The following EME2 variants were observed in gnomAD, a reference collection of about 807,000 sequenced individuals.
EME2 encodes essential meiotic structure-specific endonuclease subunit 2.
In EME2, 58 loss-of-function variants were observed where a neutral mutation model predicts 41.9. That is an observed-to-expected ratio of 1.38 (90% CI 1.12 to 1.72). EME2 has a LOEUF of 1.72. Among genes scored for constraint, EME2 ranks in the 40% most tolerant of loss-of-function variants. The pLI is 0.00. For missense variants in EME2, 695 were observed against 541.9 expected, an observed-to-expected ratio of 1.28 and a Z score of -2.81; for synonymous variants, 334 against 239.3, an observed-to-expected ratio of 1.40 and a Z score of -3.65.
At position 1,777,942 on chromosome 16, in the gene EME2, G is replaced by A. The variant is rs1436326625; in HGVS notation, c.*1704G>A. On this transcript the variant is annotated 3_prime_UTR_variant, in exon 8 of 8. Coordinates refer to ENST00000568449, the MANE Select transcript of EME2 (RefSeq NM_001257370.2). ...GGCCCCGCCCCACCCTGGGCCTCAC[G>A]CACCCGTGTAGGAGAGGCCCCAGCT... 10 of 1,612,304 alleles carry A rather than the reference G, an allele frequency of 6.2e-6. No homozygotes were observed. The Admixed American group carries it at 6.7e-5, about 11-fold the overall frequency.
intron 3 of EME2, 60 bp from the exon 4 acceptor site, chr16:1,774,963 ACCAGCTGTGGCCTGGTGG>A (rs1162528573): frequency 8.7e-7 from 1 of 1,154,162 alleles, no homozygotes; most frequent in Non-Finnish European, 1.3e-6. Flanking sequence ...TGTTCTGCAA[ACCAGCTGTGGCCTGGTGG>A]CCCATGGCCA....
rs1330537091 is a variant in EME2 at position 1,779,764 on chromosome 16, A to G, written c.*3526A>G. 1 of 152,324 alleles carries G rather than the reference A, an allele frequency of 6.6e-6. No individual in the cohort carries two copies. The highest frequency in any genetic ancestry group is 2.4e-5 in the African/African-American group (1 of 41,464). 9.4% of individuals were successfully genotyped at this position (152,324 alleles called of 1,614,324 possible). On this transcript the variant is annotated 3_prime_UTR_variant, in exon 8 of 8. Transcript: ENST00000568449. ...ACAGACTGCAGGCCCATTTGGTGACACAGGACAAGCAGCACATGTGTCGAA... is the reference window on the plus strand; with the variant it reads ...ACAGACTGCAGGCCCATTTGGTGACGCAGGACAAGCAGCACATGTGTCGAA...
Position 1,772,980 on chromosome 16 carries a change from C to T in EME2, c.-248C>T, listed in dbSNP as rs1412885284. On this transcript the variant is annotated 5_prime_UTR_variant, in exon 1 of 8. Coordinates refer to ENST00000568449, the MANE Select transcript of EME2 (RefSeq NM_001257370.2). ...CCAGGCCCGGACCGGCAGCCGGCGT[C>T]CAGAGAACGGCCGCGTCAAGGTCTC... is the stretch of plus-strand genomic sequence containing the variant. 2.1e-6 allele frequency: 3 copies of T among 1,450,496 alleles called. No homozygotes were observed. Among genetic ancestry groups the T allele is most frequent in the African/African-American group, 3.0e-5 (2 of 66,926 alleles). The allele number at this position is 1,450,496 out of a possible 1,614,324, so 89.9% of individuals were successfully genotyped here. A position where few individuals can be genotyped will look rare whatever the true frequency, so the allele number is the denominator to read the frequency against.
Position 1,774,366 on chromosome 16 carries a change from G to T in EME2, c.477+14G>T, listed in dbSNP as rs779378018. The T allele has an allele frequency of 1.2e-6, 2 of 1,608,638 alleles. No homozygotes were observed. Among genetic ancestry groups the T allele is most frequent in the African/African-American group, 2.7e-5 (2 of 74,870 alleles). ...ACACTGACCCAGGTGCTCGGGTGGT[G>T]GCAGTAGTCCCTCTCTAATCAGGAG... is the stretch of plus-strand genomic sequence containing the variant. On this transcript the variant is annotated intron_variant, in intron 3 of 7. Transcript: ENST00000568449.
chr16:1,773,258 G>A lies in EME2; in HGVS notation c.31G>A (p.Val11Ile), dbSNP rs765773599. The A allele has an allele frequency of 6.9e-6, 10 of 1,454,810 alleles. No individual in the cohort carries two copies. The highest frequency in any genetic ancestry group is 4.4e-5 in the African/African-American group (3 of 67,620). 90.1% of individuals were successfully genotyped at this position (1,454,810 alleles called of 1,614,324 possible). A position where few individuals can be genotyped will look rare whatever the true frequency, so the allele number is the denominator to read the frequency against. Residue 11 changes from valine to isoleucine, a missense_variant, in exon 1 of 8, where the codon GTC becomes ATC. By Grantham distance (29) the Val-to-Ile change is conservative (BLOSUM62 3). Transcript: ENST00000568449. ...GCGGGTTGGACCCGGGAGGGCGGGG[G>A]TCTCTTGCCAGGGCCGGGGCCGGGG... is the stretch of plus-strand genomic sequence containing the variant. MARVGPGRAGVSCQGRGRGRG... is the reference protein window; with the variant it reads MARVGPGRAGISCQGRGRGRG...
chr16:1,774,316 C>G lies in EME2; in HGVS notation c.441C>G (p.Pro147=), dbSNP rs1243296721. 3.1e-6 allele frequency: 5 copies of G among 1,612,672 alleles called. No individual in the cohort carries two copies. The highest frequency in any genetic ancestry group is 3.4e-6 in the Non-Finnish European group (4 of 1,179,938). ...AGGAATTGCTGCTGCTGCTGGAGCC[C>G]GAGGAGTTTCTGCAGGGCGTCGCCA... ...GEQELLLLLE[P]EEFLQGVATL... Residue 147 remains proline, a synonymous_variant, in exon 3 of 8, where the codon CCC becomes CCG. Coordinates refer to ENST00000568449, the MANE Select transcript of EME2 (RefSeq NM_001257370.2).
Position 1,775,109 on chromosome 16 carries a change from C to T in EME2, c.546C>T (p.Val182=). The T allele has an allele frequency of 6.2e-7, 1 of 1,611,962 alleles. No homozygotes were observed. The highest frequency in any genetic ancestry group is 8.5e-7 in the Non-Finnish European group (1 of 1,179,966). The part of the protein sequence containing the change: ...PETTARPHLA[V]IGLDAYLWSR... The stretch of plus-strand genomic sequence containing the variant: ...CCACCGCCCGGCCCCACCTGGCTGT[C>T]ATCGGGCTGGATGCCTACCTGTGGT... The change falls in exon 4 of 8, where the codon GTC becomes GTT. Residue 182 remains valine (V), a synonymous_variant. Transcript: ENST00000568449.
Position 1,775,793 on chromosome 16 carries a change from C to T in EME2, c.780-4C>T, listed in dbSNP as rs558309374. 33 of 1,612,450 alleles carry T rather than the reference C, an allele frequency of 2.0e-5. No homozygotes were observed. The South Asian group carries it at 2.5e-4, about 12-fold the overall frequency. On this transcript the variant is annotated splice_polypyrimidine_tract_variant and splice_region_variant and intron_variant, in intron 6 of 7. Coordinates refer to ENST00000568449, the MANE Select transcript of EME2 (RefSeq NM_001257370.2). ...GGTTCTAAAAGGCTTCTCTCTGTCCCCAGGCAGTACCGGGAATCCCAGGCC... is the reference window on the plus strand; with the variant it reads ...GGTTCTAAAAGGCTTCTCTCTGTCCTCAGGCAGTACCGGGAATCCCAGGCC...
chr16:1,775,102 T>G lies in EME2; in HGVS notation c.539T>G (p.Leu180Arg). The change falls in exon 4 of 8, where the codon CTG (leucine) becomes CGG (arginine). Residue 180 changes from leucine to arginine, a missense_variant. Physicochemically the swap from Leu to Arg is moderately radical, Grantham distance 102. Transcript: ENST00000568449. The stretch of plus-strand genomic sequence containing the variant: ...CCCGAGACCACCGCCCGGCCCCACC[T>G]GGCTGTCATCGGGCTGGATGCCTAC... ...ISPETTARPH[L>R]AVIGLDAYLW... is the part of the protein sequence containing the mutation. 1.2e-6 allele frequency: 2 copies of G among 1,611,144 alleles called. No homozygotes were observed. Among genetic ancestry groups the G allele is most frequent in the Middle Eastern group, 1.6e-4 (1 of 6,062 alleles).
At position 1,775,855 on chromosome 16, in the gene EME2, G is replaced by A. The variant is rs767302812; in HGVS notation, c.838G>A (p.Glu280Lys). 9.9e-6 allele frequency: 16 copies of A among 1,612,498 alleles called. No individual in the cohort carries two copies. The highest frequency in any genetic ancestry group is 5.5e-5 in the South Asian group (5 of 91,062). ...CACAGCAGGGCGCTGGGCAGCCGGC[G>A]AGCCAGTGGCAAGAGACGGCGCAGG... Reference protein sequence around the residue: ...FCTAGRWAAGEPVARDGAGLQ... With the variant: ...FCTAGRWAAGKPVARDGAGLQ... The change falls in exon 7 of 8, where the codon GAG (glutamate) becomes AAG (lysine). Residue 280 changes from glutamate to lysine, a missense_variant. Glu to Lys is a moderately conservative substitution (Grantham distance 56). Transcript: ENST00000568449.
chr16:1,778,496 G>A lies in EME2; in HGVS notation c.*2258G>A. On this transcript the variant is annotated 3_prime_UTR_variant, in exon 8 of 8. Transcript: ENST00000568449. Reference sequence around the variant, plus strand: ...GGTGGGCCGAGTGCAGGCTGCTACAGAAGGAGGCCTCGCTCTGCCCAGCAC... The same window carrying A: ...GGTGGGCCGAGTGCAGGCTGCTACAAAAGGAGGCCTCGCTCTGCCCAGCAC... 3 of 1,612,070 alleles carry A rather than the reference G, an allele frequency of 1.9e-6. No individual in the cohort carries two copies. Among genetic ancestry groups the A allele is most frequent in the Non-Finnish European group, 2.5e-6 (3 of 1,179,626 alleles).
Position 1,776,926 on chromosome 16 carries a change from A to G in EME2, c.*688A>G. On this transcript the variant is annotated 3_prime_UTR_variant, in exon 8 of 8. Transcript: ENST00000568449. ...CCCAGCACAGCAGCAGAGGGGCCCT[A>G]GAGCCCCCACAGAAAGGACTGTCCC... 1 of 746,856 alleles carries G rather than the reference A, an allele frequency of 1.3e-6. No homozygotes were observed. Among genetic ancestry groups the G allele is most frequent in the Non-Finnish European group, 2.1e-6 (1 of 472,160 alleles). The allele number at this position is 746,856 out of a possible 1,614,324, so 46.3% of individuals were successfully genotyped here.
chr16:1,775,677 C>G lies in EME2; in HGVS notation c.772C>G (p.Pro258Ala). ...CAVTKALAQY[P>A]LKQYRESQAF... ...CGTTACCAAGGCTCTCGCCCAGTAT[C>G]CCCTCAAGTGCGTGATGCCAAGGCT... The change falls in exon 6 of 8, where the codon CCC becomes GCC. Residue 258 changes from proline to alanine, a missense_variant. Transcript: ENST00000568449. 1 of 1,612,948 alleles carries G rather than the reference C, an allele frequency of 6.2e-7. No homozygotes were observed. The highest frequency in any genetic ancestry group is 1.1e-5 in the South Asian group (1 of 91,086).
rs1278611398 is a variant in EME2, at chr16:1,777,822, G to C, written c.*1584G>C. On this transcript the variant is annotated 3_prime_UTR_variant, in exon 8 of 8. Transcript: ENST00000568449. ...AGGTGCACGCCAATGATGGAGCCCT[G>C]GCCGAACCGCGATGAGAAGCTGGTC... is the stretch of plus-strand genomic sequence containing the variant. 1 of 1,612,884 alleles carries C rather than the reference G, an allele frequency of 6.2e-7. No homozygotes were observed. The highest frequency in any genetic ancestry group is 8.5e-7 in the Non-Finnish European group (1 of 1,179,882).
At position 1,773,006 on chromosome 16, in the gene EME2, G is replaced by T; in HGVS notation, c.-222G>T. The T allele has an allele frequency of 1.4e-6, 2 of 1,457,518 alleles. No homozygotes were observed. The highest frequency in any genetic ancestry group is 2.8e-5 in the East Asian group (1 of 35,942). 90.3% of individuals were successfully genotyped at this position (1,457,518 alleles called of 1,614,324 possible). A position where few individuals can be genotyped will look rare whatever the true frequency, so the allele number is the denominator to read the frequency against. On this transcript the variant is annotated 5_prime_UTR_variant, in exon 1 of 8. Transcript: ENST00000568449. Reference sequence around the variant, plus strand: ...CAGAGAACGGCCGCGTCAAGGTCTCGTAGTCCACCGCGTAGAGCTGGGAGT... The same window carrying T: ...CAGAGAACGGCCGCGTCAAGGTCTCTTAGTCCACCGCGTAGAGCTGGGAGT...
At position 1,775,669 on chromosome 16, in the gene EME2, C is replaced by T. The variant is rs1359304378; in HGVS notation, c.764C>T (p.Ala255Val). The change falls in exon 6 of 8, where the codon GCC becomes GTC. Residue 255 changes from alanine to valine, a missense_variant. Coordinates refer to ENST00000568449, the MANE Select transcript of EME2 (RefSeq NM_001257370.2). ...GTGTGCGCCGTTACCAAGGCTCTCGCCCAGTATCCCCTCAAGTGCGTGATG... is the reference window on the plus strand; with the variant it reads ...GTGTGCGCCGTTACCAAGGCTCTCGTCCAGTATCCCCTCAAGTGCGTGATG... ...RHVCAVTKAL[A>V]QYPLKQYRES... 6.2e-7 allele frequency: 1 copy of T among 1,612,928 alleles called. No homozygotes were observed. Among genetic ancestry groups the T allele is most frequent in the South Asian group, 1.1e-5 (1 of 91,090 alleles).
At position 1,778,599 on chromosome 16, in the gene EME2, T is replaced by C. The variant is rs1489611784; in HGVS notation, c.*2361T>C. 1.3e-6 allele frequency: 2 copies of C among 1,563,116 alleles called. No homozygotes were observed. Among genetic ancestry groups the C allele is most frequent in the Non-Finnish European group, 1.7e-6 (2 of 1,151,584 alleles). On this transcript the variant is annotated 3_prime_UTR_variant, in exon 8 of 8. Transcript: ENST00000568449. ...CAGCGTGGAGTACTCGGGGTCGGAG[T>C]CCGAGTCGCTGTGCTGGGAGAGAAG... is the stretch of plus-strand genomic sequence containing the variant.
chr16:1,777,237 G>A lies in EME2; in HGVS notation c.*999G>A, dbSNP rs369856278. 3 of 1,610,792 alleles carry A rather than the reference G, an allele frequency of 1.9e-6. No individual in the cohort carries two copies. Among genetic ancestry groups the A allele is most frequent in the Non-Finnish European group, 2.5e-6 (3 of 1,179,842 alleles). ...CTCAGGACCCAGCCCAGCTTGTTGT[G>A]TAGCACCTGCTTGAGGCCCGGCGGC... On this transcript the variant is annotated 3_prime_UTR_variant, in exon 8 of 8. Transcript: ENST00000568449.
In EME2 at chr16:1,776,060, G is replaced by A. The variant is rs1391083396; in HGVS notation, c.970-8G>A. On this transcript the variant is annotated splice_polypyrimidine_tract_variant and splice_region_variant and intron_variant, in intron 7 of 7. Coordinates refer to ENST00000568449, the MANE Select transcript of EME2 (RefSeq NM_001257370.2). Reference sequence around the variant, plus strand: ...CAGGCGCCCTCTCATGCCTTTGCCTGCTCCTAGGCGCTGGAGGCCTGCAGC... The same window carrying A: ...CAGGCGCCCTCTCATGCCTTTGCCTACTCCTAGGCGCTGGAGGCCTGCAGC... 2 of 1,606,392 alleles carry A rather than the reference G, an allele frequency of 1.2e-6. No homozygotes were observed. The highest frequency in any genetic ancestry group is 1.7e-6 in the Non-Finnish European group (2 of 1,177,136).
Sources: gnomAD v4.1 joint callset for allele counts on GRCh38, gnomAD v4.1.1 for gene constraint, MANE v1.5 for transcripts, NCBI Gene and HGNC (gene_info 2026-07-23, HGNC 2026-07-21) for gene names.